CCNJL: variants seen among roughly 807,000 people sequenced by gnomAD.
CCNJL encodes cyclin-J-like protein.
CCNJL carries 33 observed loss-of-function variants against 33.4 expected under a neutral mutation model. The observed-to-expected ratio is 0.99, with a 90% CI of 0.75 to 1.32. The LOEUF is 1.32. Ranked by LOEUF, CCNJL falls within the 40% of genes most tolerant of loss-of-function variation. The pLI is 0.00. For missense variants in CCNJL, 512 were observed against 499.7 expected (o/e 1.02, Z -0.23); for synonymous variants, 227 against 220.9 (o/e 1.03, Z -0.24).
chr5:160,291,598 C>T (rs910660501), intron 2 of CCNJL, among the ~76,000 whole-genome samples: 27 of 152,094 alleles, frequency 1.8e-4, no homozygotes, highest in African/African-American at 6.3e-4. Context: ...GGTATGCCAG[C>T]GAAAATGAAA....
intron 2 of CCNJL, among the ~76,000 whole-genome samples, chr5:160,296,024 T>C (rs1271686156): frequency 6.6e-6 from 1 of 152,170 alleles, no homozygotes; most frequent in Non-Finnish European, 1.5e-5. Context: ...TTTTTGTTCA[T>C]CCCCAATTGT....
intron 3 of CCNJL, among the ~76,000 whole-genome samples, chr5:160,272,213 C>T (rs527568719): frequency 7.2e-5 from 11 of 152,300 alleles, no homozygotes; most frequent in African/African-American, 2.4e-4. Flanking sequence ...GACCCCATCC[C>T]GTCCCCTGCC....
At chr5:160,296,329 G>A (rs997944639) in intron 2 of CCNJL, among the ~76,000 whole-genome samples, 4 of 152,212 alleles carry the variant, frequency 2.6e-5, no homozygotes, top group African/African-American at 9.7e-5. Flanking sequence ...GTTTCCAGAA[G>A]GGGCCCTCCA....
chr5:160,254,191 G>A (rs1272208973), intron 5 of CCNJL: 2 of 502,548 alleles, frequency 4.0e-6, no homozygotes, highest in Admixed American at 7.4e-5. Context: ...CCTGGCACTG[G>A]AGTGTTCCTG....
chr5:160,307,382 G>A (rs1450379997), intron 2 of CCNJL, among the ~76,000 whole-genome samples: 1 of 152,164 alleles, frequency 6.6e-6, no homozygotes, highest in Non-Finnish European at 1.5e-5. Context: ...ACAAAGGAGA[G>A]GCTTAAGGGA....
chr5:160,311,992 T>C lies in CCNJL; in HGVS notation c.-49-20A>G. ...CGCACCCTGCGTGGACACGGGCAAC[T>C]TCAGCGGCCAGAGCGTACCCCGGGC... On this transcript the variant is annotated intron_variant, in intron 1 of 5. Transcript: ENST00000257536. 2 of 1,476,880 alleles carry C rather than the reference T, an allele frequency of 1.4e-6. No homozygotes were observed. Among genetic ancestry groups the C allele is most frequent in the Admixed American group, 3.4e-5 (2 of 59,628 alleles). The allele number at this position is 1,476,880 out of a possible 1,614,324, so 91.5% of individuals were successfully genotyped here.
At chr5:160,317,187 A>T (rs1329817288), upstream of CCNJL, among the ~76,000 whole-genome samples, 3 of 152,342 alleles carry the variant, frequency 2.0e-5, no homozygotes. Flanking sequence ...ACATTTGCCA[A>T]ATCCTTTATG....
intron 5 of CCNJL, chr5:160,254,139 G>T: frequency 2.2e-6 from 1 of 464,520 alleles, no homozygotes; most frequent in Non-Finnish European, 3.8e-6. Context: ...CTGGCTTCCA[G>T]GAGGATGGCG....
At chr5:160,277,416 G>A (rs1239403595) in intron 3 of CCNJL, among the ~76,000 whole-genome samples, 2 of 152,212 alleles carry the variant, frequency 1.3e-5, no homozygotes, top group African/African-American at 4.8e-5. Context: ...TTAAACAACA[G>A]GAAGAACAAA....
intron 1 of CCNJL, among the ~76,000 whole-genome samples, chr5:160,320,214 CATA>C (rs1335662002): frequency 1.3e-5 from 2 of 152,144 alleles, no homozygotes; most frequent in East Asian, 1.9e-4. Context: ...TTTTGTCATC[CATA>C]ATAATAACAG....
upstream of CCNJL, chr5:160,315,493 C>A: frequency 2.6e-6 from 1 of 387,226 alleles, no homozygotes; most frequent in South Asian, 1.8e-5. Flanking sequence ...GGCAACAGAG[C>A]GAGACACTGC....
At chr5:160,284,071 G>T (rs1762329597) in intron 2 of CCNJL, among the ~76,000 whole-genome samples, 1 of 152,268 alleles carries the variant, frequency 6.6e-6, no homozygotes, top group Non-Finnish European at 1.5e-5. Flanking sequence ...CTAAATTTTG[G>T]CTAGGTGCAG....
chr5:160,277,856 C>T (rs975789951), intron 3 of CCNJL, among the ~76,000 whole-genome samples: 2 of 151,830 alleles, frequency 1.3e-5, no homozygotes, highest in East Asian at 1.9e-4. Context: ...AGCAATTCTC[C>T]TGCCTCAGCC....
chr5:160,317,899 A>G (rs192777381), upstream of CCNJL, among the ~76,000 whole-genome samples: 5 of 152,264 alleles, frequency 3.3e-5, no homozygotes, highest in African/African-American at 1.2e-4. Flanking sequence ...GTGGCCAGGT[A>G]TTACAACTGG....
At chr5:160,297,879 C>T (rs1202616697) in intron 2 of CCNJL, among the ~76,000 whole-genome samples, 1 of 152,042 alleles carries the variant, frequency 6.6e-6, no homozygotes, top group Non-Finnish European at 1.5e-5. Flanking sequence ...AAGGAGAGAC[C>T]GAAGAGAAAT....
In CCNJL at chr5:160,291,421, C is replaced by T. The variant is rs145629167; in HGVS notation, c.67-10683G>A. Among the ~76,000 whole-genome samples the T allele has an allele frequency of 2.0e-3, 298 of 152,104 alleles. 3 individuals carry two copies. Among genetic ancestry groups the T allele is most frequent in the African/African-American group, 6.7e-3 (277 of 41,390 alleles). ...GAAGCCTATATTAGCCCAGTAGAGGCCCTGAAACATTTGTTCGTCAAAAAA... is the reference window on the plus strand; with the variant it reads ...GAAGCCTATATTAGCCCAGTAGAGGTCCTGAAACATTTGTTCGTCAAAAAA... On this transcript the variant is annotated intron_variant, in intron 2 of 5. Coordinates refer to ENST00000257536, the MANE Select transcript of CCNJL (RefSeq NM_001308173.3).
At chr5:160,275,680 G>A (rs553178325) in intron 3 of CCNJL, among the ~76,000 whole-genome samples, 1 of 152,238 alleles carries the variant, frequency 6.6e-6, no homozygotes, top group South Asian at 2.1e-4. Flanking sequence ...AAGTAAAAAC[G>A]TATCTCACAC....
At chr5:160,308,540 G>C (rs1173106473) in intron 2 of CCNJL, among the ~76,000 whole-genome samples, 1 of 152,202 alleles carries the variant, frequency 6.6e-6, no homozygotes, top group Admixed American at 6.5e-5. Flanking sequence ...GACGGATAAC[G>C]AGGTCAGGGG....
At chr5:160,303,696 G>T (rs911924423) in intron 2 of CCNJL, among the ~76,000 whole-genome samples, 29 of 91,812 alleles carry the variant, frequency 3.2e-4, no homozygotes, top group Non-Finnish European at 4.5e-4. Context: ...AATCCTCTGT[G>T]TGTCTGTGTG....
Sources: gnomAD v4.1 joint callset for allele counts (sites outside exome capture counted in the v4.1 genomes callset) on GRCh38, gnomAD v4.1.1 for gene constraint, MANE v1.5 for transcripts, NCBI Gene and HGNC (gene_info 2026-07-23, HGNC 2026-07-21) for gene names.